ITGA11: variants seen among roughly 807,000 people sequenced by gnomAD.
The protein encoded by ITGA11 is integrin alpha-11.
In ITGA11, 97 loss-of-function variants were observed where a neutral mutation model predicts 141.9. The ratio of observed to expected loss-of-function variants is 0.68; its 90% CI spans 0.58 to 0.81. ITGA11 has a LOEUF of 0.81. Among genes scored for constraint, ITGA11 ranks in the 30% least tolerant of loss-of-function variants. The probability of loss-of-function intolerance (pLI) is 0.00; values close to 1 mark genes in which losing one functional copy is unlikely to be tolerated. For synonymous variants in ITGA11, 658 were observed against 624.6 expected, an observed-to-expected ratio of 1.05 and a Z score of -0.80; for missense variants, 1,387 against 1,559.2, an observed-to-expected ratio of 0.89 and a Z score of 1.86.
chr15:68,414,543 C>T (rs4617801), intron 1 of ITGA11, among the ~76,000 whole-genome samples: 5 of 152,264 alleles, frequency 3.3e-5, no homozygotes, highest in African/African-American at 1.2e-4. Flanking sequence ...TCTGTCTCCT[C>T]TTCTAGAAAA....
At chr15:68,317,080 T>C (rs1406038793) in intron 21 of ITGA11, among the ~76,000 whole-genome samples, 185 bp downstream of exon 21, 1 of 152,188 alleles carries the variant, frequency 6.6e-6, no homozygotes, top group Admixed American at 6.5e-5. Context: ...AGCATGGGGA[T>C]GGCTGGCTCA....
chr15:68,398,434 T>C (rs1008699395), intron 2 of ITGA11, among the ~76,000 whole-genome samples: 1 of 150,580 alleles, frequency 6.6e-6, no homozygotes, highest in Admixed American at 6.6e-5. Flanking sequence ...AAGGGATCAA[T>C]TCAACAATAA....
In ITGA11 at chr15:68,364,595, G is replaced by A. The variant is rs572900724; in HGVS notation, c.357+112C>T. ...GGCCAGGCAGCTTGGTGGTTGGAGT[G>A]GGGGAGAGTGGGTGTACAGGATGGA... On this transcript the variant is annotated intron_variant, in intron 4 of 29. Transcript: ENST00000315757. 4.7e-4 allele frequency: 394 copies of A among 832,700 alleles called. 1 individual carries two copies. Among genetic ancestry groups the A allele is most frequent in the South Asian group, 8.0e-4 (53 of 65,916 alleles). 51.6% of individuals were successfully genotyped at this position (832,700 alleles called of 1,614,324 possible). A position where few individuals can be genotyped will look rare whatever the true frequency, so the allele number is the denominator to read the frequency against.
At chr15:68,387,348 C>G (rs1896010746) in intron 2 of ITGA11, among the ~76,000 whole-genome samples, 1 of 152,172 alleles carries the variant, frequency 6.6e-6, no homozygotes, top group African/African-American at 2.4e-5. Context: ...GCTTAAGACA[C>G]TGGGAATGGC....
At chr15:68,309,866 G>A (rs913344293) in intron 26 of ITGA11, among the ~76,000 whole-genome samples, 17 of 152,156 alleles carry the variant, frequency 1.1e-4, no homozygotes, top group African/African-American at 3.9e-4. Context: ...GCCTCCCAAA[G>A]TGCTGGGATT....
At chr15:68,388,668 C>G (rs896193194) in intron 2 of ITGA11, among the ~76,000 whole-genome samples, 11 of 152,144 alleles carry the variant, frequency 7.2e-5, no homozygotes, top group Non-Finnish European at 1.2e-4. Context: ...ATAAAGCATG[C>G]CCCTTTCTCA....
rs201276855 is a variant in ITGA11 at position 68,357,139 on chromosome 15, C to CT, written c.749+11dup. 2.8e-4 allele frequency: 436 copies of CT among 1,560,562 alleles called. 1 individual carries two copies. The highest frequency in any genetic ancestry group is 8.1e-4 in the African/African-American group (59 of 72,998). On this transcript the variant is annotated intron_variant, in intron 7 of 29. Coordinates refer to ENST00000315757, the MANE Select transcript of ITGA11 (RefSeq NM_001004439.2). Reference sequence around the variant, plus strand: ...ATCTAAAAAAATTTTTTTTGTTCTACTTTTTTTTTACCGTGCAAATTCAAT... The same window carrying CT: ...ATCTAAAAAAATTTTTTTTGTTCTACTTTTTTTTTTACCGTGCAAATTCAAT...
chr15:68,297,587 CTAAATAT>C lies in ITGA11; in HGVS notation c.*5465_*5471del, dbSNP rs1892937730. The C allele has an allele frequency of 6.6e-6, 1 of 151,368 alleles. No homozygotes were observed. Among genetic ancestry groups the C allele is most frequent in the Admixed American group, 6.6e-5 (1 of 15,220 alleles). The allele number at this position is 151,368 out of a possible 1,614,324, so 9.4% of individuals were successfully genotyped here. On this transcript the variant is annotated 3_prime_UTR_variant, in exon 30 of 30. Coordinates refer to ENST00000315757, the MANE Select transcript of ITGA11 (RefSeq NM_001004439.2). Reference sequence around the variant, plus strand: ...TTCCTTTTATTACCACTACGTACTTCTAAATATTAATGTTTTTACAAAAGCACTGTAA... The same window carrying C: ...TTCCTTTTATTACCACTACGTACTTCTAATGTTTTTACAAAAGCACTGTAA...
chr15:68,384,795 C>T (rs2140381743), intron 2 of ITGA11, among the ~76,000 whole-genome samples: 1 of 152,300 alleles, frequency 6.6e-6, no homozygotes, highest in South Asian at 2.1e-4. Flanking sequence ...GTGTTGGGAG[C>T]CTGTTCTGGG....
intron 10 of ITGA11, among the ~76,000 whole-genome samples, chr15:68,343,012 TC>T (rs1894622657): frequency 1.0e-5 from 1 of 99,628 alleles, no homozygotes; most frequent in Non-Finnish European, 2.4e-5. Context: ...TCTCTCTCTC[TC>T]TCTCTCTCTC....
At chr15:68,311,207 CT>C in intron 25 of ITGA11, 82 bp downstream of exon 25, 1 of 1,268,060 alleles carries the variant, frequency 7.9e-7, no homozygotes, top group Admixed American at 2.0e-5. Context: ...GAGCTGGGGT[CT>C]GGGAACCTGG....
intron 10 of ITGA11, among the ~76,000 whole-genome samples, chr15:68,343,571 T>C (rs1044284415): frequency 2.0e-5 from 3 of 152,120 alleles, no homozygotes; most frequent in African/African-American, 7.2e-5. Context: ...TCTTTTTGGC[T>C]TTTGTGAGGC....
At position 68,351,496 on chromosome 15, in the gene ITGA11, A is replaced by G. The variant is rs1894911820; in HGVS notation, c.750-94T>C. The G allele has an allele frequency of 2.4e-5, 34 of 1,421,934 alleles. No individual in the cohort carries two copies. The East Asian group carries it at 7.5e-4, about 32-fold the overall frequency. 88.1% of individuals were successfully genotyped at this position (1,421,934 alleles called of 1,614,324 possible). A position where few individuals can be genotyped will look rare whatever the true frequency, so the allele number is the denominator to read the frequency against. ...CAGAGGGGCAGCCACAGAAACCAGG[A>G]CCAAGTCCTCCTTGGGCAACCCAAC... is the stretch of plus-strand genomic sequence containing the variant. On this transcript the variant is annotated intron_variant, in intron 7 of 29. Transcript: ENST00000315757.
intron 1 of ITGA11, among the ~76,000 whole-genome samples, chr15:68,431,112 G>C (rs1380236651): frequency 6.6e-6 from 1 of 152,234 alleles, no homozygotes; most frequent in Non-Finnish European, 1.5e-5. Context: ...ACTGGCAGCC[G>C]CCCCGCGTGG....
intron 2 of ITGA11, among the ~76,000 whole-genome samples, chr15:68,402,208 G>T (rs1227409114): frequency 6.6e-6 from 1 of 152,018 alleles, no homozygotes; most frequent in Admixed American, 6.6e-5. Context: ...TCCCAGGAAG[G>T]ATAGCCTTCT....
intron 2 of ITGA11, among the ~76,000 whole-genome samples, chr15:68,371,039 G>C (rs1895573846): frequency 6.6e-6 from 1 of 152,202 alleles, no homozygotes; most frequent in Non-Finnish European, 1.5e-5. Context: ...CTCCCCTGGG[G>C]AGCCAGATGA....
chr15:68,421,647 G>A (rs1468593689), intron 1 of ITGA11, among the ~76,000 whole-genome samples: 3 of 148,334 alleles, frequency 2.0e-5, no homozygotes, highest in Non-Finnish European at 3.0e-5. Flanking sequence ...GAGCAGAGTG[G>A]GGAAGATAGA....
intron 22 of ITGA11, among the ~76,000 whole-genome samples, chr15:68,315,269 G>T (rs1335560810): frequency 2.0e-5 from 3 of 152,194 alleles, no homozygotes; most frequent in Non-Finnish European, 4.4e-5. Context: ...TAACTTGGAA[G>T]ATGGTGTGTG....
In ITGA11 at chr15:68,361,662, A is replaced by G; in HGVS notation, c.400T>C (p.Tyr134His). The G allele has an allele frequency of 6.2e-7, 1 of 1,610,398 alleles. No homozygotes were observed. Among genetic ancestry groups the G allele is most frequent in the South Asian group, 1.1e-5 (1 of 89,978 alleles). Residue 134 changes from tyrosine (Y) to histidine (H), a missense_variant, in exon 5 of 30, where the codon TAC (tyrosine) becomes CAC (histidine). Tyr to His is a moderately conservative substitution (Grantham distance 83). Transcript: ENST00000315757. The stretch of plus-strand genomic sequence containing the variant: ...ACTCTTGAACACATCCCTGTGGTGT[A>G]GTAGGAGCTCCCACACTCATGAGAC... ...LWSHECGSSY[Y>H]TTGMCSRVNS...
Sources: allele counts gnomAD v4.1 joint callset (sites outside exome capture counted in the v4.1 genomes callset), GRCh38; gene constraint gnomAD v4.1.1; transcripts MANE v1.5; gene names NCBI Gene and HGNC (gene_info 2026-07-23, HGNC 2026-07-21).